Variants in KCNIP4 observed in about 807,000 individuals in gnomAD.
The protein encoded by KCNIP4 is potassium voltage-gated channel interacting protein 4, also known as Kv channel-interacting protein 4.
KCNIP4 carries 12 observed loss-of-function variants against 34.0 expected under a neutral mutation model. That is an observed-to-expected ratio of 0.35 (90% CI 0.23 to 0.57). KCNIP4 has a LOEUF of 0.57. Ranked by LOEUF, KCNIP4 falls within the 20% of genes least tolerant of loss-of-function variation. The pLI, the probability that KCNIP4 is intolerant of heterozygous loss-of-function variation, is 0.83. For missense variants in KCNIP4, 238 were observed against 311.7 expected, an observed-to-expected ratio of 0.76 and a Z score of 1.78; for synonymous variants, 124 against 102.2, an observed-to-expected ratio of 1.21 and a Z score of -1.29.
intron 1 of KCNIP4, among the ~76,000 whole-genome samples, chr4:21,118,774 G>A (rs1464988694): frequency 6.6e-6 from 1 of 152,024 alleles, no homozygotes; most frequent in Non-Finnish European, 1.5e-5. Context: ...CTTAAGATGT[G>A]TGTAGGAAGG....
At chr4:21,591,068 TA>T (rs937532094) in intron 1 of KCNIP4, among the ~76,000 whole-genome samples, 11 of 151,598 alleles carry the variant, frequency 7.3e-5, no homozygotes, top group South Asian at 2.1e-4. Context: ...AAAGAAAAGC[TA>T]AAAAAAATTG....
intron 1 of KCNIP4, among the ~76,000 whole-genome samples, chr4:21,355,436 T>A (rs1252232006): frequency 2.0e-5 from 3 of 147,936 alleles, no homozygotes; most frequent in African/African-American, 5.0e-5. Context: ...GAGAGAAGAA[T>A]CAAATAGACG....
At chr4:21,890,350 A>G (rs956854461) in intron 1 of KCNIP4, among the ~76,000 whole-genome samples, 7 of 152,140 alleles carry the variant, frequency 4.6e-5, no homozygotes, top group African/African-American at 1.7e-4. Flanking sequence ...CTTCTGGAAT[A>G]TGCTCTAACT....
chr4:21,790,350 C>G (rs557475269), intron 1 of KCNIP4, among the ~76,000 whole-genome samples: 4 of 152,178 alleles, frequency 2.6e-5, no homozygotes, highest in South Asian at 4.1e-4. Flanking sequence ...TCTAAGCAAC[C>G]ACTTTAATAC....
intron 1 of KCNIP4, chr4:21,852,368 G>A (rs189972898): frequency 1.3e-5 from 2 of 152,252 alleles, no homozygotes; most frequent in Admixed American, 1.3e-4. Flanking sequence ...TAAACCCCAG[G>A]GAAAGGGTGG....
intron 1 of KCNIP4, among the ~76,000 whole-genome samples, chr4:21,101,315 T>A (rs1747921612): frequency 6.6e-6 from 1 of 152,156 alleles, no homozygotes; most frequent in Admixed American, 6.5e-5. Flanking sequence ...ATGAGTAGTA[T>A]TTCATGTTGC....
intron 1 of KCNIP4, among the ~76,000 whole-genome samples, chr4:21,381,864 C>T (rs149873694): frequency 3.3e-5 from 5 of 152,014 alleles, no homozygotes; most frequent in Admixed American, 6.6e-5. Context: ...CAGCAGTGAG[C>T]GCAAAGAGAC....
At chr4:21,419,722 T>G (rs773988951) in intron 1 of KCNIP4, among the ~76,000 whole-genome samples, 4 of 152,038 alleles carry the variant, frequency 2.6e-5, no homozygotes, top group Non-Finnish European at 5.9e-5. Flanking sequence ...TTTTTTTAGG[T>G]TAATTCTATT....
chr4:20,898,603 T>C (rs140990975), intron 1 of KCNIP4, among the ~76,000 whole-genome samples: 3 of 152,346 alleles, frequency 2.0e-5, no homozygotes, highest in Non-Finnish European at 4.4e-5. Flanking sequence ...CACCAGATAG[T>C]AAATTCCTTG....
intron 1 of KCNIP4, among the ~76,000 whole-genome samples, chr4:21,126,470 G>T (rs1409711448): frequency 6.6e-6 from 1 of 152,010 alleles, no homozygotes; most frequent in South Asian, 2.1e-4. Context: ...CAAACTATTT[G>T]TTTCAAGGCA....
intron 1 of KCNIP4, among the ~76,000 whole-genome samples, chr4:21,859,375 C>G (rs1724932614): frequency 6.6e-6 from 1 of 151,838 alleles, no homozygotes; most frequent in South Asian, 2.1e-4. Flanking sequence ...AAGAATAGTG[C>G]TCTCGGGTGG....
chr4:20,808,734 A>G (rs971570426), intron 3 of KCNIP4, among the ~76,000 whole-genome samples: 2 of 152,154 alleles, frequency 1.3e-5, no homozygotes, highest in Non-Finnish European at 2.9e-5. Context: ...ATTTCCCATT[A>G]TTGATTAAAG....
intron 6 of KCNIP4, 41 bp from the exon 7 acceptor site, chr4:20,732,826 A>T (rs371853628): frequency 1.8e-5 from 21 of 1,197,368 alleles, no homozygotes; most frequent in Non-Finnish European, 2.5e-5. Context: ...GCACACATGT[A>T]TGAAGAAACC....
intron 1 of KCNIP4, among the ~76,000 whole-genome samples, chr4:21,560,072 A>G (rs1162633226): frequency 6.6e-6 from 1 of 152,062 alleles, no homozygotes; most frequent in Non-Finnish European, 1.5e-5. Context: ...TTCTGTATAT[A>G]GCCATTTGTT....
chr4:21,519,731 TATATGTATGATACACAC>T lies in KCNIP4; in HGVS notation c.61+428823_61+428839del, dbSNP rs1560481015. On this transcript the variant is annotated intron_variant, in intron 1 of 8. Coordinates refer to ENST00000382152, the MANE Select transcript of KCNIP4 (RefSeq NM_025221.6). ...GTATGTGTATATATACACACGTGTG[TATATGTATGATACACAC>T]GTGTGTGTATGTATGTGTGTATACA... Among the ~76,000 whole-genome samples, 7 of 123,824 alleles carry T rather than the reference TATATGTATGATACACAC, an allele frequency of 5.7e-5. 2 individuals carry two copies. The highest frequency in any genetic ancestry group is 1.7e-4 in the African/African-American group (5 of 29,566). The allele number at this position is 123,824 out of a possible 152,430, so 81.2% of individuals were successfully genotyped here. A position where few individuals can be genotyped will look rare whatever the true frequency, so the allele number is the denominator to read the frequency against.
chr4:21,885,546 C>T (rs893468032), intron 1 of KCNIP4, among the ~76,000 whole-genome samples: 24 of 152,098 alleles, frequency 1.6e-4, no homozygotes, highest in African/African-American at 5.8e-4. Flanking sequence ...TTTCTTGCCA[C>T]GGGTTCTATT....
At chr4:21,836,603 TA>T (rs1291502101) in intron 1 of KCNIP4, among the ~76,000 whole-genome samples, 1 of 152,208 alleles carries the variant, frequency 6.6e-6, no homozygotes, top group East Asian at 1.9e-4. Context: ...GTTGATGTTT[TA>T]ACATGATGCC....
At chr4:20,737,618 G>A (rs1749955542) in intron 5 of KCNIP4, among the ~76,000 whole-genome samples, 1 of 152,184 alleles carries the variant, frequency 6.6e-6, no homozygotes, top group African/African-American at 2.4e-5. Flanking sequence ...GTGAGTGTGA[G>A]CTGTTTGAGA....
In KCNIP4 at chr4:20,728,717, C is replaced by CTACTCTTAATT. The variant is rs1405435193; in HGVS notation, c.*1354_*1364dup. 2.6e-5 allele frequency: 4 copies of CTACTCTTAATT among 152,562 alleles called. No homozygotes were observed. Among genetic ancestry groups the CTACTCTTAATT allele is most frequent in the African/African-American group, 9.7e-5 (4 of 41,432 alleles). 9.5% of individuals were successfully genotyped at this position (152,562 alleles called of 1,614,324 possible). A position where few individuals can be genotyped will look rare whatever the true frequency, so the allele number is the denominator to read the frequency against. The stretch of plus-strand genomic sequence containing the variant: ...CAAATTTCAGTGTACATGTATTGTA[C>CTACTCTTAATT]TACTCTTAATTTCTACACTGGTGAT... On this transcript the variant is annotated 3_prime_UTR_variant, in exon 9 of 9. Coordinates refer to ENST00000382152, the MANE Select transcript of KCNIP4 (RefSeq NM_025221.6).
Sources: allele counts gnomAD v4.1 joint callset (sites outside exome capture counted in the v4.1 genomes callset), GRCh38; gene constraint gnomAD v4.1.1; transcripts MANE v1.5; gene names NCBI Gene and HGNC (gene_info 2026-07-23, HGNC 2026-07-21).